MPZL1: variants seen among roughly 807,000 people sequenced by gnomAD.
MPZL1 encodes myelin protein zero-like protein 1.
A neutral mutation model predicts 29.3 loss-of-function variants in MPZL1; 16 were observed. The observed-to-expected ratio is 0.55, with a 90% confidence interval of 0.37 to 0.83. The LOEUF (loss-of-function observed/expected upper bound fraction) is 0.83, where lower values mean the gene tolerates loss of function less well. Among genes scored for constraint, MPZL1 ranks in the 40% least tolerant of loss-of-function variants. The pLI is 0.00. For missense variants in MPZL1, 279 were observed against 332.9 expected (o/e 0.84, Z 1.26); for synonymous variants, 143 against 132.0 (o/e 1.08, Z -0.57).
At chr1:167,759,101 C>T (rs985156820) in intron 1 of MPZL1, among the ~76,000 whole-genome samples, 2 of 151,994 alleles carry the variant, frequency 1.3e-5, no homozygotes, top group African/African-American at 4.8e-5. Context: ...GTTTTTGAAC[C>T]AAAGCTTTAC....
At chr1:167,753,508 T>TA (rs770315405) in intron 1 of MPZL1, among the ~76,000 whole-genome samples, 17 of 152,312 alleles carry the variant, frequency 1.1e-4, no homozygotes, top group Non-Finnish European at 2.1e-4. Flanking sequence ...CCCATGGCTG[T>TA]AAAAAAGGCG....
chr1:167,786,823 G>A (rs1661603398), intron 5 of MPZL1, among the ~76,000 whole-genome samples: 1 of 152,232 alleles, frequency 6.6e-6, no homozygotes, highest in South Asian at 2.1e-4. Context: ...GACTTCTCAA[G>A]GAGAGTTCCC....
chr1:167,742,592 T>C (rs2101759742), intron 1 of MPZL1, among the ~76,000 whole-genome samples: 1 of 152,310 alleles, frequency 6.6e-6, no homozygotes, highest in South Asian at 2.1e-4. Context: ...GTGGGTTGTC[T>C]GTTTACTCTG....
intron 2 of MPZL1, among the ~76,000 whole-genome samples, chr1:167,767,702 A>G (rs1359966003): frequency 6.6e-6 from 1 of 151,636 alleles, no homozygotes; most frequent in East Asian, 1.9e-4. Flanking sequence ...TTCAAAAGCC[A>G]TACTGTGGAT....
chr1:167,739,651 C>A (rs1660475060), intron 1 of MPZL1, among the ~76,000 whole-genome samples: 1 of 152,054 alleles, frequency 6.6e-6, no homozygotes, highest in Non-Finnish European at 1.5e-5. Context: ...CCCCAGGGAG[C>A]CTGGTAAGCA....
intron 4 of MPZL1, among the ~76,000 whole-genome samples, chr1:167,775,712 T>C (rs1661351503): frequency 6.6e-6 from 1 of 152,226 alleles, no homozygotes. Flanking sequence ...CTTAAACCTT[T>C]ATCCCAAAGG....
chr1:167,780,596 A>G (rs57203794), intron 5 of MPZL1, among the ~76,000 whole-genome samples: 7,568 of 152,268 alleles, frequency 0.05, 629 homozygotes, highest in African/African-American at 0.17. Context: ...CACATGCTAC[A>G]ACATGGATGA....
In MPZL1 at chr1:167,722,085, G is replaced by A. The variant is rs1660039732; in HGVS notation, c.-67G>A. ...ATCAGAAGCCTCTTCCCCAAGCCGA[G>A]CCAACCTCAGCGGGGACCCGGGCTC... On this transcript the variant is annotated 5_prime_UTR_variant, in exon 1 of 6. Coordinates refer to ENST00000359523, the MANE Select transcript of MPZL1 (RefSeq NM_003953.6). 5.7e-6 allele frequency: 7 copies of A among 1,231,390 alleles called. No homozygotes were observed. In the East Asian group the frequency reaches 2.2e-4, roughly 39 times the overall value. 76.3% of individuals were successfully genotyped at this position (1,231,390 alleles called of 1,614,324 possible).
At position 167,723,661 on chromosome 1, in the gene MPZL1, G is replaced by A. The variant is rs149721992; in HGVS notation, c.91+1419G>A. Among the ~76,000 whole-genome samples, 1,450 of 152,244 alleles carry A rather than the reference G, an allele frequency of 9.5e-3. 12 individuals are homozygous for A. The highest frequency in any genetic ancestry group is 0.037 in the Middle Eastern group (11 of 294). On this transcript the variant is annotated intron_variant, in intron 1 of 5. Coordinates refer to ENST00000359523, the MANE Select transcript of MPZL1 (RefSeq NM_003953.6). ...TAGGGTGATCTTAATTAAAATCAGGGTATTAAACGTAGAAGGAGTGCAAAA... is the reference window on the plus strand; with the variant it reads ...TAGGGTGATCTTAATTAAAATCAGGATATTAAACGTAGAAGGAGTGCAAAA...
intron 2 of MPZL1, among the ~76,000 whole-genome samples, chr1:167,770,141 G>A (rs1246991410): frequency 6.6e-6 from 1 of 152,172 alleles, no homozygotes; most frequent in Admixed American, 6.5e-5. Context: ...AGGTTTGGGA[G>A]TTAAGAAAAT....
chr1:167,724,902 G>A (rs1262871035), intron 1 of MPZL1, among the ~76,000 whole-genome samples: 1 of 152,154 alleles, frequency 6.6e-6, no homozygotes, highest in Non-Finnish European at 1.5e-5. Context: ...GAGTTTTGGG[G>A]TATATGAAAC....
intron 1 of MPZL1, 44 bp downstream of exon 1, chr1:167,722,286 C>T: frequency 8.9e-6 from 11 of 1,233,748 alleles, no homozygotes; most frequent in South Asian, 4.1e-5. Flanking sequence ...GAGTGGGGCC[C>T]CCGGGCCCGA....
At chr1:167,785,407 A>G (rs1661571933) in intron 5 of MPZL1, among the ~76,000 whole-genome samples, 1 of 152,180 alleles carries the variant, frequency 6.6e-6, no homozygotes, top group African/African-American at 2.4e-5. Flanking sequence ...GGAAGTGGCA[A>G]GGTCTGTTGA....
intron 5 of MPZL1, among the ~76,000 whole-genome samples, chr1:167,779,972 T>C (rs1191493930): frequency 6.6e-6 from 1 of 152,216 alleles, no homozygotes; most frequent in Non-Finnish European, 1.5e-5. Context: ...AGAGGGACTT[T>C]TTATGATGAT....
chr1:167,765,502 A>G, intron 1 of MPZL1, 81 bp from the exon 2 acceptor site: 2 of 1,243,694 alleles, frequency 1.6e-6, no homozygotes, highest in Non-Finnish European at 2.2e-6. Context: ...ACTTTGCTGT[A>G]TCTTTTCTTG....
intron 1 of MPZL1, among the ~76,000 whole-genome samples, chr1:167,730,356 G>A (rs527247026): frequency 7.0e-4 from 106 of 151,758 alleles, no homozygotes; most frequent in African/African-American, 2.3e-3. Context: ...TCCACTCAGC[G>A]CAGTCTCCAC....
chr1:167,730,173 C>T (rs543798013), intron 1 of MPZL1, among the ~76,000 whole-genome samples: 35 of 152,278 alleles, frequency 2.3e-4, no homozygotes, highest in African/African-American at 7.0e-4. Flanking sequence ...ATAAAGCTGC[C>T]GTGTTGAAGC....
intron 2 of MPZL1, among the ~76,000 whole-genome samples, chr1:167,770,508 G>A (rs1315678321): frequency 6.6e-6 from 1 of 152,254 alleles, no homozygotes; most frequent in Non-Finnish European, 1.5e-5. Context: ...AAGCCGGCAA[G>A]AGTATCTTGT....
In MPZL1 at chr1:167,791,024, T is replaced by A. The variant is rs892771644; in HGVS notation, c.*3103T>A. ...TTTGCTCTCTGACTTCCTTTAAGCC[T>A]CTGCTCAAATGTTACCTCCTCAGGG... On this transcript the variant is annotated 3_prime_UTR_variant, in exon 6 of 6. Transcript: ENST00000359523. The A allele has an allele frequency of 1.3e-5, 2 of 152,218 alleles. No homozygotes were observed. 9.4% of individuals were successfully genotyped at this position (152,218 alleles called of 1,614,324 possible). A position where few individuals can be genotyped will look rare whatever the true frequency, so the allele number is the denominator to read the frequency against.
Sources: allele counts gnomAD v4.1 joint callset (sites outside exome capture counted in the v4.1 genomes callset), GRCh38; gene constraint gnomAD v4.1.1; transcripts MANE v1.5; gene names NCBI Gene and HGNC (gene_info 2026-07-23, HGNC 2026-07-21).